ZNF565: variants seen among roughly 807,000 people sequenced by gnomAD.
ZNF565 encodes zinc finger protein 565.
Under a neutral mutation model 39.4 loss-of-function variants are expected in ZNF565, and 27 were observed. The ratio of observed to expected loss-of-function variants is 0.69; its 90% CI spans 0.51 to 0.95. The LOEUF (loss-of-function observed/expected upper bound fraction) is 0.95. Ranked by LOEUF, ZNF565 falls within the 40% of genes least tolerant of loss-of-function variation. The probability of loss-of-function intolerance (pLI) is 0.00; values close to 1 mark genes in which losing one functional copy is unlikely to be tolerated. For missense variants in ZNF565, 524 were observed against 621.1 expected (o/e 0.84, Z 1.66); for synonymous variants, 185 against 216.6 (o/e 0.85, Z 1.28).
Position 36,183,684 on chromosome 19 carries a change from G to T in ZNF565, c.282C>A (p.Ile94=). The change falls in exon 5 of 5, where the codon ATC becomes ATA. Residue 94 remains isoleucine (I), a synonymous_variant. Transcript: ENST00000304116. ...EKFLQKDIFE[I]GAFNWEIMES... is the part of the protein sequence containing the mutation. ...CCATTATCTCCCAGTTGAATGCCCC[G>T]ATTTCAAAAATGTCTTTTTGTAGAA... 1.2e-6 allele frequency: 2 copies of T among 1,611,816 alleles called. No homozygotes were observed. Among genetic ancestry groups the T allele is most frequent in the South Asian group, 2.2e-5 (2 of 90,822 alleles).
Position 36,190,591 on chromosome 19 carries a change from A to T in ZNF565, c.232+3642T>A, listed in dbSNP as rs140117209. 9.5e-3 allele frequency among the ~76,000 whole-genome samples: 955 copies of T among 100,688 alleles called. 6 individuals carry two copies. The highest frequency in any genetic ancestry group is 0.01 in the Non-Finnish European group (483 of 46,280). The allele number at this position is 100,688 out of a possible 152,430, so 66.1% of individuals were successfully genotyped here. On this transcript the variant is annotated intron_variant, in intron 4 of 4. Transcript: ENST00000304116. ...AACTCCATCTCAAAAAAAAAAAATT[A>T]AAAAAAAAAAAAGGCTAATCAGTTG...
chr19:36,237,535 A>C, intron 1 of ZNF565: 4 of 430,804 alleles, frequency 9.3e-6, no homozygotes, highest in Admixed American at 4.2e-5. Flanking sequence ...AGCAGAGATA[A>C]TGGTGAAAGT....
At chr19:36,191,822 T>C (rs2145315484) in intron 4 of ZNF565, among the ~76,000 whole-genome samples, 1 of 152,196 alleles carries the variant, frequency 6.6e-6, no homozygotes, top group Non-Finnish European at 1.5e-5. Flanking sequence ...GACAGAGTAA[T>C]AACTGGTGCA....
At chr19:36,204,938 A>T (rs893122131) in intron 1 of ZNF565, among the ~76,000 whole-genome samples, 1 of 152,142 alleles carries the variant, frequency 6.6e-6, no homozygotes, top group South Asian at 2.1e-4. Context: ...CAGTGAGCCA[A>T]GATCACACCA....
intron 1 of ZNF565, chr19:36,237,393 CCTT>C (rs200453092): frequency 0.035 from 52,348 of 1,493,098 alleles, 1,304 homozygotes; most frequent in Admixed American, 0.12. Context: ...CAGAAATAAT[CCTT>C]CTGAAGCAAA....
At chr19:36,184,531 C>T (rs1260813305) in intron 4 of ZNF565, among the ~76,000 whole-genome samples, 2 of 152,064 alleles carry the variant, frequency 1.3e-5, no homozygotes, top group East Asian at 3.9e-4. Context: ...TCCCAAAGTG[C>T]TGGGATTACA....
Position 36,201,664 on chromosome 19 carries a change from G to A in ZNF565, c.9+313C>T, listed in dbSNP as rs138700682. 2.7e-3 allele frequency among the ~76,000 whole-genome samples: 405 copies of A among 152,110 alleles called. 3 individuals carry two copies. The highest frequency in any genetic ancestry group is 9.0e-3 in the African/African-American group (373 of 41,498). Reference sequence around the variant, plus strand: ...TAATTTTTGTATTTTTAGTAGAGACGGGGTTTCACCATGTTGTCCAGGCTG... The same window carrying A: ...TAATTTTTGTATTTTTAGTAGAGACAGGGTTTCACCATGTTGTCCAGGCTG... On this transcript the variant is annotated intron_variant, in intron 2 of 4. Coordinates refer to ENST00000304116, the MANE Select transcript of ZNF565 (RefSeq NM_152477.5).
intron 4 of ZNF565, among the ~76,000 whole-genome samples, chr19:36,191,117 T>C (rs1975524241): frequency 6.6e-6 from 1 of 151,034 alleles, no homozygotes; most frequent in Non-Finnish European, 1.5e-5. Context: ...TTTAACACTT[T>C]CAAAATATCA....
rs1280335168 is a variant in ZNF565, at chr19:36,195,159, G to A, written c.10-3C>T. On this transcript the variant is annotated splice_region_variant and splice_polypyrimidine_tract_variant and intron_variant, in intron 2 of 4. Transcript: ENST00000304116. ...ACGTCCCTGAATGTCACCAGTCCCT[G>A]AAACAATAAACCCACGCATTAGTGT... 1.9e-6 allele frequency: 3 copies of A among 1,613,104 alleles called. No individual in the cohort carries two copies. Among genetic ancestry groups the A allele is most frequent in the African/African-American group, 2.7e-5 (2 of 74,988 alleles).
At chr19:36,191,952 G>C (rs1975562956) in intron 4 of ZNF565, among the ~76,000 whole-genome samples, 1 of 151,960 alleles carries the variant, frequency 6.6e-6, no homozygotes, top group Admixed American at 6.6e-5. Flanking sequence ...ACTTCACAGG[G>C]GAGAAACAAG....
intron 1 of ZNF565, among the ~76,000 whole-genome samples, chr19:36,212,425 A>C (rs1446521356): frequency 6.6e-6 from 1 of 152,158 alleles, no homozygotes; most frequent in Non-Finnish European, 1.5e-5. Flanking sequence ...CAGTCTGGCC[A>C]ACATGGTGAA....
At chr19:36,234,041 G>A (rs1977526748) in intron 1 of ZNF565, among the ~76,000 whole-genome samples, 1 of 152,138 alleles carries the variant, frequency 6.6e-6, no homozygotes, top group Non-Finnish European at 1.5e-5. Flanking sequence ...GCCTTCTGTA[G>A]TGTGTTGTGT....
chr19:36,200,679 G>A (rs1381179992), intron 2 of ZNF565, among the ~76,000 whole-genome samples: 1 of 151,298 alleles, frequency 6.6e-6, no homozygotes, highest in African/African-American at 2.4e-5. Flanking sequence ...AGTAGAGACG[G>A]GGTTTCACCA....
At chr19:36,232,851 T>C (rs148802017) in intron 1 of ZNF565, among the ~76,000 whole-genome samples, 2 of 152,150 alleles carry the variant, frequency 1.3e-5, no homozygotes, top group African/African-American at 4.8e-5. Context: ...CCCACAGTGC[T>C]GGGATTACAG....
chr19:36,207,136 T>A (rs1302273088), intron 1 of ZNF565, among the ~76,000 whole-genome samples: 1 of 152,152 alleles, frequency 6.6e-6, no homozygotes, highest in Non-Finnish European at 1.5e-5. Context: ...GAGAGAGAGC[T>A]AGAAGCCAGA....
At chr19:36,196,039 C>A (rs903986461) in intron 2 of ZNF565, among the ~76,000 whole-genome samples, 3 of 151,636 alleles carry the variant, frequency 2.0e-5, no homozygotes, top group Admixed American at 6.6e-5. Context: ...TGGGTTCAAG[C>A]AATTCTTCTG....
chr19:36,183,759 C>T, intron 4 of ZNF565, 26 bp from the exon 5 acceptor site: 1 of 1,580,908 alleles, frequency 6.3e-7, no homozygotes, highest in Non-Finnish European at 8.6e-7. Context: ...AAGATAAATA[C>T]AAGCTGTGAT....
intron 1 of ZNF565, among the ~76,000 whole-genome samples, chr19:36,208,472 T>C (rs551410854): frequency 8.5e-5 from 13 of 152,246 alleles, no homozygotes; most frequent in Admixed American, 3.3e-4. Context: ...AATGCTGGGA[T>C]TGCAGGTGTG....
At chr19:36,187,159 C>T (rs1003323819) in intron 4 of ZNF565, among the ~76,000 whole-genome samples, 6 of 151,156 alleles carry the variant, frequency 4.0e-5, no homozygotes, top group Non-Finnish European at 8.8e-5. Context: ...TATTACACTC[C>T]GGCCTGGGAA....
Sources: gnomAD v4.1 joint callset for allele counts (sites outside exome capture counted in the v4.1 genomes callset) on GRCh38, gnomAD v4.1.1 for gene constraint, MANE v1.5 for transcripts, NCBI Gene and HGNC (gene_info 2026-07-23, HGNC 2026-07-21) for gene names.